The following CEACAM16 variants were observed in gnomAD, a reference collection of about 807,000 sequenced individuals.
CEACAM16 encodes cell adhesion molecule CEACAM16.
A neutral mutation model predicts 39.4 loss-of-function variants in CEACAM16; 30 were observed. The ratio of observed to expected loss-of-function variants is 0.76; its 90% CI spans 0.57 to 1.03. The LOEUF (loss-of-function observed/expected upper bound fraction) is 1.03. Ranked by LOEUF, CEACAM16 falls within the 50% of genes least tolerant of loss-of-function variation. The pLI is 0.00. For synonymous variants in CEACAM16, 262 were observed against 264.9 expected, an observed-to-expected ratio of 0.99 and a Z score of 0.11; for missense variants, 521 against 585.3, an observed-to-expected ratio of 0.89 and a Z score of 1.13.
chr19:44,707,931 C>G lies in CEACAM16; in HGVS notation c.1011C>G (p.Thr337=). ...CGGAGGGCCAGGACGTAACACTGAC[C>G]GTGCAGGGCTACCCCAAGGACCTGC... ...KPTEGQDVTL[T]VQGYPKDLLV... is the part of the protein sequence containing the mutation. The change falls in exon 6 of 7, where the codon ACC becomes ACG. Residue 337 remains threonine (T), a synonymous_variant. Transcript: ENST00000587331. 3 of 1,588,324 alleles carry G rather than the reference C, an allele frequency of 1.9e-6. No homozygotes were observed. The highest frequency in any genetic ancestry group is 2.6e-6 in the Non-Finnish European group (3 of 1,161,872).
At position 44,705,564 on chromosome 19, in the gene CEACAM16, C is replaced by T. The variant is rs776889658; in HGVS notation, c.662-26C>T. The stretch of plus-strand genomic sequence containing the variant: ...CCACTCCTCCTTCCCTCTACTGCCC[C>T]ATCTATCTCCCTCCTGCCCCCACAG... On this transcript the variant is annotated intron_variant, in intron 4 of 6. Coordinates refer to ENST00000587331, the MANE Select transcript of CEACAM16 (RefSeq NM_001039213.4). 3.2e-6 allele frequency: 5 copies of T among 1,569,708 alleles called. No individual in the cohort carries two copies. The African/African-American group carries it at 5.4e-5, about 17-fold the overall frequency.
chr19:44,705,292 G>A (rs78350256), intron 4 of CEACAM16, among the ~76,000 whole-genome samples: 1 of 149,710 alleles, frequency 6.7e-6, no homozygotes. Context: ...GGCTTTGTCA[G>A]AAAAAAAAAA....
Position 44,701,343 on chromosome 19 carries a change from A to G in CEACAM16, c.-96-18A>G. The G allele has an allele frequency of 2.5e-6, 3 of 1,187,296 alleles. No individual in the cohort carries two copies. Among genetic ancestry groups the G allele is most frequent in the Non-Finnish European group, 3.7e-6 (3 of 815,670 alleles). 73.5% of individuals were successfully genotyped at this position (1,187,296 alleles called of 1,614,324 possible). On this transcript the variant is annotated intron_variant, in intron 1 of 6. Transcript: ENST00000587331. This position sits in a 1 kb window ranked among gnomAD's most constrained non-coding sequence, Gnocchi z 4.0. ...TTCAGGTGATCTCCCCTGGCTCCAAATCACCAAACCCTCCCAGGTCCTGCG... is the reference window on the plus strand; with the variant it reads ...TTCAGGTGATCTCCCCTGGCTCCAAGTCACCAAACCCTCCCAGGTCCTGCG...
At chr19:44,706,560 G>A (rs1974453174) in intron 5 of CEACAM16, among the ~76,000 whole-genome samples, 1 of 152,168 alleles carries the variant, frequency 6.6e-6, no homozygotes. Flanking sequence ...GTGGGGAATG[G>A]TCGTTCCCTC....
rs2122186410 is a variant in CEACAM16, at chr19:44,701,140, C to T, written c.-96-221C>T. 6.6e-6 allele frequency among the ~76,000 whole-genome samples: 1 copy of T among 152,338 alleles called. No homozygotes were observed. The highest frequency in any genetic ancestry group is 2.1e-4 in the South Asian group (1 of 4,830). On this transcript the variant is annotated intron_variant, in intron 1 of 6. Coordinates refer to ENST00000587331, the MANE Select transcript of CEACAM16 (RefSeq NM_001039213.4). This position sits in a 1 kb window ranked among gnomAD's most constrained non-coding sequence, Gnocchi z 4.0. ...CCGAAAACCTTCCCCTACTTTTCCT[C>T]TCTTCTCCTCGGTGACCTGGTTCCT...
chr19:44,703,623 C>T lies in CEACAM16; in HGVS notation c.312C>T (p.Gly104=), dbSNP rs1216516010. 3 of 1,606,908 alleles carry T rather than the reference C, an allele frequency of 1.9e-6. No homozygotes were observed. In the African/African-American group the frequency reaches 4.0e-5, roughly 21 times the overall value. The change falls in exon 3 of 7, where the codon GGC becomes GGT. Residue 104 remains glycine, a synonymous_variant. Transcript: ENST00000587331. ...DIQGILPRHS[G]TYILQTFNRQ... is the part of the protein sequence containing the mutation. ...AGGGCATCCTGCCCCGGCACTCAGG[C>T]ACCTACATCCTGCAGACCTTCAACA... is the stretch of plus-strand genomic sequence containing the variant.
chr19:44,709,685 C>A, intron 6 of CEACAM16, among the ~76,000 whole-genome samples: 1 of 148,020 alleles, frequency 6.8e-6, no homozygotes, highest in Non-Finnish European at 1.5e-5. Flanking sequence ...AGTCAGGGAC[C>A]ATGTCTCCTC....
At chr19:44,708,786 G>C (rs1307579798) in intron 6 of CEACAM16, among the ~76,000 whole-genome samples, 1 of 152,244 alleles carries the variant, frequency 6.6e-6, no homozygotes, top group African/African-American at 2.4e-5. Flanking sequence ...TAGGATGGAG[G>C]CCTGTAGGTG....
intron 1 of CEACAM16, chr19:44,699,525 C>T (rs1439639000): frequency 7.1e-6 from 3 of 420,298 alleles, no homozygotes; most frequent in African/African-American, 4.3e-5. Context: ...TACAGGTGCC[C>T]GCGACCACAC....
At chr19:44,699,356 T>A (rs752086075) in intron 1 of CEACAM16, 96 bp downstream of exon 1, 4 of 509,482 alleles carry the variant, frequency 7.9e-6, no homozygotes, top group Non-Finnish European at 1.6e-5. Flanking sequence ...ATAAGGAAAC[T>A]GAGGCTTGGC....
chr19:44,708,017 C>T lies in CEACAM16; in HGVS notation c.1097C>T (p.Pro366Leu), dbSNP rs762367899. ...SEPNRLLSQL[P>L]SGTWIAGPAH... Reference sequence around the variant, plus strand: ...CCCAACCGGCTGCTCAGCCAGCTGCCGTCAGGAACCTGGATTGCAGGCCCC... The same window carrying T: ...CCCAACCGGCTGCTCAGCCAGCTGCTGTCAGGAACCTGGATTGCAGGCCCC... Residue 366 changes from proline (P) to leucine (L), a missense_variant, in exon 6 of 7, where the codon CCG becomes CTG. Transcript: ENST00000587331. 5.0e-6 allele frequency: 8 copies of T among 1,611,232 alleles called. No individual in the cohort carries two copies. In the Admixed American group the frequency reaches 5.0e-5, roughly 10 times the overall value.
In CEACAM16 at chr19:44,708,092, A is replaced by G. The variant is rs1313729161; in HGVS notation, c.1172A>G (p.Gln391Arg). The part of the protein sequence containing the change: ...VGFPNCSLLV[Q>R]KLNLTDTGRY... ...TTCCCCAACTGCTCGCTGTTGGTGC[A>G]GAAGCTGAACCTCACAGACACTGGC... The change falls in exon 6 of 7, where the codon CAG becomes CGG. Residue 391 changes from glutamine to arginine, a missense_variant. Transcript: ENST00000587331. 2 of 1,611,756 alleles carry G rather than the reference A, an allele frequency of 1.2e-6. No individual in the cohort carries two copies. Among genetic ancestry groups the G allele is most frequent in the East Asian group, 4.5e-5 (2 of 44,836 alleles).
chr19:44,702,670 C>T (rs13346314), intron 2 of CEACAM16, among the ~76,000 whole-genome samples: 8,497 of 152,322 alleles, frequency 0.056, 360 homozygotes, highest in Admixed American at 0.13. Context: ...CCGCTGTAGG[C>T]GAGCTTGGAG....
At position 44,704,185 on chromosome 19, in the gene CEACAM16, C is replaced by T. The variant is rs773722955; in HGVS notation, c.550C>T (p.Arg184Trp). ...CCGCCTGGGCCTGTCCCCTGACGGC[C>T]GGGTGCTGGCCAGGCATGGCATCCG... is the stretch of plus-strand genomic sequence containing the variant. ...ALRLGLSPDGRVLARHGIRRE... is the reference protein window; with the variant it reads ...ALRLGLSPDGWVLARHGIRRE... The change falls in exon 4 of 7, where the codon CGG (arginine) becomes TGG (tryptophan). Residue 184 changes from arginine (R) to tryptophan (W), a missense_variant. Transcript: ENST00000587331. 2.6e-5 allele frequency: 41 copies of T among 1,571,242 alleles called. No homozygotes were observed. The highest frequency in any genetic ancestry group is 4.7e-5 in the South Asian group (4 of 85,706).
intron 6 of CEACAM16, among the ~76,000 whole-genome samples, chr19:44,709,858 C>A (rs557775568): frequency 1.3e-5 from 2 of 151,398 alleles, no homozygotes; most frequent in Non-Finnish European, 3.0e-5. Context: ...GGGACCATGT[C>A]TCCTCCATCA....
At chr19:44,707,836 C>T (rs1456706107) in intron 5 of CEACAM16, 25 bp from the exon 6 acceptor site, 1 of 1,493,064 alleles carries the variant, frequency 6.7e-7, no homozygotes, top group Admixed American at 2.1e-5. Context: ...ACCAAACTGA[C>T]CCAGCCCGCT....
intron 5 of CEACAM16, among the ~76,000 whole-genome samples, chr19:44,707,279 C>T (rs1056730893): frequency 6.6e-6 from 1 of 152,130 alleles, no homozygotes; most frequent in Non-Finnish European, 1.5e-5. Context: ...CCTCTAACTT[C>T]CAGGGTCCCC....
chr19:44,709,435 T>C (rs112902618), intron 6 of CEACAM16, among the ~76,000 whole-genome samples: 2 of 134,764 alleles, frequency 1.5e-5, no homozygotes, highest in African/African-American at 3.0e-5. Context: ...TCAGGGACCA[T>C]GTCTCCTTCA....
At chr19:44,707,797 T>C (rs1490710580) in intron 5 of CEACAM16, 64 bp from the exon 6 acceptor site, 5 of 1,379,020 alleles carry the variant, frequency 3.6e-6, no homozygotes, top group Non-Finnish European at 4.8e-6. Context: ...CCAGCAAGGG[T>C]TGGGAAGGGG....
Sources: allele counts gnomAD v4.1 joint callset (sites outside exome capture counted in the v4.1 genomes callset), GRCh38; gene constraint gnomAD v4.1.1; non-coding constraint Gnocchi (gnomAD v3.1); transcripts MANE v1.5; gene names NCBI Gene and HGNC (gene_info 2026-07-23, HGNC 2026-07-21).